DNM3: variants seen among roughly 807,000 people sequenced by gnomAD.
DNM3 encodes the protein dynamin 3.
Under a neutral mutation model 101.6 loss-of-function variants are expected in DNM3, and 47 were observed. The observed-to-expected ratio is 0.46, with a 90% CI of 0.37 to 0.59. DNM3 has a LOEUF of 0.59. Among genes scored for constraint, DNM3 ranks in the 20% least tolerant of loss-of-function variants. The pLI is 0.00. For missense variants in DNM3, 849 were observed against 1,085.7 expected (o/e 0.78, Z 3.06); for synonymous variants, 385 against 387.9 (o/e 0.99, Z 0.09).
intron 10 of DNM3, among the ~76,000 whole-genome samples, chr1:172,056,249 G>A (rs1558495719): frequency 1.3e-5 from 2 of 152,330 alleles, no homozygotes; most frequent in South Asian, 4.1e-4. Flanking sequence ...ACTGCAAGGT[G>A]GCAGCGAGGC....
chr1:171,929,561 G>A (rs2040840078), intron 2 of DNM3, among the ~76,000 whole-genome samples: 1 of 152,242 alleles, frequency 6.6e-6, no homozygotes, highest in Admixed American at 6.5e-5. Context: ...TAAAAAAGCA[G>A]TCTGGCCACA....
chr1:172,173,505 T>A (rs939171850), intron 14 of DNM3, among the ~76,000 whole-genome samples: 2 of 144,580 alleles, frequency 1.4e-5, no homozygotes, highest in African/African-American at 2.7e-5. Context: ...TTTTTTTTTT[T>A]AAACAAGGTC....
Position 172,411,834 on chromosome 1 carries a change from C to T in DNM3, c.*3993C>T. 1.0e-6 allele frequency: 1 copy of T among 985,680 alleles called. No individual in the cohort carries two copies. The highest frequency in any genetic ancestry group is 1.2e-6 in the Non-Finnish European group (1 of 829,832). 61.1% of individuals were successfully genotyped at this position (985,680 alleles called of 1,614,324 possible). ...ATTAGAAGACTACTAGCTGTGAGCT[C>T]AGAGTTTAATGTAAATGAATCTAGA... On this transcript the variant is annotated 3_prime_UTR_variant, in exon 21 of 21. Coordinates refer to ENST00000627582, the MANE Select transcript of DNM3 (RefSeq NM_015569.5).
intron 2 of DNM3, among the ~76,000 whole-genome samples, chr1:171,959,811 A>G (rs1254757588): frequency 2.0e-5 from 3 of 152,084 alleles, no homozygotes; most frequent in Non-Finnish European, 4.4e-5. Context: ...TACTACGGTG[A>G]GGTCTGGAGT....
chr1:172,332,753 A>G (rs1332790119), intron 17 of DNM3, among the ~76,000 whole-genome samples: 3 of 152,214 alleles, frequency 2.0e-5, no homozygotes, highest in Non-Finnish European at 2.9e-5. Context: ...TGTTATTTCC[A>G]CACTCCTTTC....
intron 20 of DNM3, among the ~76,000 whole-genome samples, chr1:172,403,529 C>T (rs1350245537): frequency 6.6e-6 from 1 of 152,132 alleles, no homozygotes; most frequent in Non-Finnish European, 1.5e-5. Context: ...ATGCATTCTT[C>T]TCTCTTATCG....
chr1:172,167,001 T>C (rs1028093092), intron 14 of DNM3, among the ~76,000 whole-genome samples: 3 of 151,870 alleles, frequency 2.0e-5, no homozygotes, highest in Non-Finnish European at 4.4e-5. Flanking sequence ...ACATGTGCCA[T>C]GTTGGTGTGC....
At chr1:172,296,862 G>A (rs935009701) in intron 15 of DNM3, among the ~76,000 whole-genome samples, 4 of 152,082 alleles carry the variant, frequency 2.6e-5, no homozygotes, top group Non-Finnish European at 4.4e-5. Context: ...TAGCATCTTG[G>A]CCGGGCACAG....
At chr1:171,890,493 T>A (rs2037172504) in intron 1 of DNM3, among the ~76,000 whole-genome samples, 1 of 152,198 alleles carries the variant, frequency 6.6e-6, no homozygotes, top group Non-Finnish European at 1.5e-5. Context: ...ACAAACCATA[T>A]TTCAAAGTTC....
chr1:172,068,026 C>T lies in DNM3; in HGVS notation c.1336-793C>T, dbSNP rs904207033. Among the ~76,000 whole-genome samples the T allele has an allele frequency of 6.8e-4, 104 of 152,270 alleles. 1 individual carries two copies. The highest frequency in any genetic ancestry group is 2.2e-3 in the African/African-American group (91 of 41,562). Reference sequence around the variant, plus strand: ...CTTAACCTCTCTGTGCTTCACTTTTCTCCTCTATTAAATGGGGTTGGCCGG... The same window carrying T: ...CTTAACCTCTCTGTGCTTCACTTTTTTCCTCTATTAAATGGGGTTGGCCGG... On this transcript the variant is annotated intron_variant, in intron 10 of 20. Transcript: ENST00000627582.
intron 15 of DNM3, among the ~76,000 whole-genome samples, chr1:172,293,380 C>A (rs2757488): frequency 1.3e-5 from 2 of 152,138 alleles, no homozygotes; most frequent in African/African-American, 4.8e-5. Flanking sequence ...AGCCTTTTAC[C>A]TAAGGCATAA....
intron 17 of DNM3, among the ~76,000 whole-genome samples, chr1:172,339,584 C>T (rs925754925): frequency 2.0e-5 from 3 of 152,138 alleles, no homozygotes; most frequent in African/African-American, 2.4e-5. Context: ...CAACAGATTC[C>T]GAATCTTCCC....
chr1:172,215,593 A>C (rs1364444493), intron 14 of DNM3, among the ~76,000 whole-genome samples: 1 of 152,108 alleles, frequency 6.6e-6, no homozygotes, highest in African/African-American at 2.4e-5. Context: ...GGAAGATAAA[A>C]GCTTTGGAAG....
At chr1:172,382,218 G>T (rs529460581) in intron 18 of DNM3, among the ~76,000 whole-genome samples, 1 of 152,110 alleles carries the variant, frequency 6.6e-6, no homozygotes, top group Non-Finnish European at 1.5e-5. Context: ...TATGACAGAC[G>T]GTCTTTCTGG....
chr1:171,885,237 GT>G (rs2036656211), intron 1 of DNM3, among the ~76,000 whole-genome samples: 1 of 152,088 alleles, frequency 6.6e-6, no homozygotes, highest in Non-Finnish European at 1.5e-5. Flanking sequence ...TCGGGAGATT[GT>G]TTTACGGAAA....
intron 8 of DNM3, among the ~76,000 whole-genome samples, chr1:172,043,865 C>A (rs1286897964): frequency 6.6e-6 from 1 of 152,104 alleles, no homozygotes; most frequent in East Asian, 1.9e-4. Context: ...TGGTACCTAG[C>A]GCTTCTGAGA....
At chr1:171,900,595 C>G (rs1290908203) in intron 1 of DNM3, among the ~76,000 whole-genome samples, 1 of 152,084 alleles carries the variant, frequency 6.6e-6, no homozygotes, top group Non-Finnish European at 1.5e-5. Flanking sequence ...AAGTAGGAAA[C>G]TGACCTGAAT....
intron 15 of DNM3, among the ~76,000 whole-genome samples, chr1:172,263,573 A>G (rs2062747068): frequency 6.6e-6 from 1 of 152,204 alleles, no homozygotes; most frequent in African/African-American, 2.4e-5. Context: ...TCATGGCAGA[A>G]GGCAAAAGAC....
chr1:171,886,859 T>C (rs2036823457), intron 1 of DNM3, among the ~76,000 whole-genome samples: 1 of 152,226 alleles, frequency 6.6e-6, no homozygotes, highest in South Asian at 2.1e-4. Context: ...AGCCAACTTT[T>C]TTTTTGTGAG....
Sources: allele counts gnomAD v4.1 joint callset (sites outside exome capture counted in the v4.1 genomes callset), GRCh38; gene constraint gnomAD v4.1.1; transcripts MANE v1.5; gene names NCBI Gene and HGNC (gene_info 2026-07-23, HGNC 2026-07-21).